The following SF3B3 variants were observed in gnomAD, a reference collection of about 807,000 sequenced individuals.
The protein encoded by SF3B3 is SAP 130.
SF3B3 carries 33 observed loss-of-function variants against 139.2 expected under a neutral mutation model. The ratio of observed to expected loss-of-function variants is 0.24; its 90% CI spans 0.18 to 0.32. The LOEUF (loss-of-function observed/expected upper bound fraction) is 0.32. SF3B3 is among the 10% of genes least tolerant of loss of function. SF3B3 has a pLI of 1.00. For missense variants in SF3B3, 818 were observed against 1,509.4 expected, an observed-to-expected ratio of 0.54 and a Z score of 7.59; for synonymous variants, 596 against 563.6, an observed-to-expected ratio of 1.06 and a Z score of -0.81.
chr16:70,537,795 G>C (rs74932974), intron 6 of SF3B3, among the ~76,000 whole-genome samples: 4,844 of 152,230 alleles, frequency 0.032, 289 homozygotes, highest in African/African-American at 0.11. Context: ...AAAACGCAAG[G>C]CAGGTGCAGT....
intron 17 of SF3B3, chr16:70,563,662 TGTG>T (rs2050449919): frequency 1.9e-6 from 1 of 514,148 alleles, no homozygotes; most frequent in South Asian, 3.0e-5. Flanking sequence ...TGCTGTGAAT[TGTG>T]GTAGGGTGTT....
rs2050552121 is a variant in SF3B3 at position 70,573,866 on chromosome 16, C to T, written c.*2053C>T. ...ACTGAAAAGTTTTTAGCTGCCTCAG[C>T]TTTCCCCTGACCTTACTGGCAGAGG... On this transcript the variant is annotated 3_prime_UTR_variant, in exon 26 of 26. Coordinates refer to ENST00000302516, the MANE Select transcript of SF3B3 (RefSeq NM_012426.5). The T allele has an allele frequency of 1.3e-5, 2 of 152,248 alleles. No individual in the cohort carries two copies. Among genetic ancestry groups the T allele is most frequent in the Non-Finnish European group, 2.9e-5 (2 of 68,054 alleles). 9.4% of individuals were successfully genotyped at this position (152,248 alleles called of 1,614,324 possible).
At position 70,554,603 on chromosome 16, in the gene SF3B3, G is replaced by A. The variant is rs528727199; in HGVS notation, c.1554+6G>A. 6 of 1,614,026 alleles carry A rather than the reference G, an allele frequency of 3.7e-6. No individual in the cohort carries two copies. The highest frequency in any genetic ancestry group is 5.1e-6 in the Non-Finnish European group (6 of 1,179,966). On this transcript the variant is annotated splice_donor_region_variant and intron_variant, in intron 12 of 25. Coordinates refer to ENST00000302516, the MANE Select transcript of SF3B3 (RefSeq NM_012426.5). ...GAGATGATGCCTTGGTGCAGGTGAG[G>A]GTTCTCAGAGCTTACCTACTTGGCC...
At chr16:70,564,983 A>G in intron 18 of SF3B3, 82 bp from the exon 19 acceptor site, 1 of 1,266,954 alleles carries the variant, frequency 7.9e-7, no homozygotes. Flanking sequence ...AACCCCCTGG[A>G]GTGTTCTTGC....
chr16:70,555,971 A>G (rs567810493), intron 13 of SF3B3, among the ~76,000 whole-genome samples: 17 of 152,188 alleles, frequency 1.1e-4, no homozygotes, highest in South Asian at 4.1e-4. Flanking sequence ...GAAGATACTC[A>G]TTTTGCTTGC....
Position 70,529,216 on chromosome 16 carries a change from A to G in SF3B3, c.397+17A>G, listed in dbSNP as rs781248378. 5.6e-6 allele frequency: 9 copies of G among 1,598,724 alleles called. No individual in the cohort carries two copies. The Admixed American group carries it at 1.3e-4, about 24-fold the overall frequency. Reference sequence around the variant, plus strand: ...TTATGATTAGTAAGTGATTTACTCTACTTGCTGTATATGCCTAGTTTAGGA... The same window carrying G: ...TTATGATTAGTAAGTGATTTACTCTGCTTGCTGTATATGCCTAGTTTAGGA... On this transcript the variant is annotated intron_variant, in intron 3 of 25. Coordinates refer to ENST00000302516, the MANE Select transcript of SF3B3 (RefSeq NM_012426.5).
intron 1 of SF3B3, among the ~76,000 whole-genome samples, chr16:70,524,392 C>T (rs763275271): frequency 6.6e-6 from 1 of 152,124 alleles, no homozygotes; most frequent in Admixed American, 6.5e-5. Context: ...TTCTCGTTTG[C>T]GTAATGGAGG....
chr16:70,560,687 G>C, intron 16 of SF3B3, 96 bp downstream of exon 16: 1 of 1,400,964 alleles, frequency 7.1e-7, no homozygotes, highest in Non-Finnish European at 9.9e-7. Flanking sequence ...TCACTAATTT[G>C]CCACTCCATC....
Position 70,571,134 on chromosome 16 carries a change from T to C in SF3B3, c.3448T>C (p.Ser1150Pro), listed in dbSNP as rs770940050. 6.2e-7 allele frequency: 1 copy of C among 1,614,126 alleles called. No homozygotes were observed. Among genetic ancestry groups the C allele is most frequent in the Middle Eastern group, 1.6e-4 (1 of 6,062 alleles). ...FFQHVEMHLR[S>P]EHPPLCGRDH... ...CCAGCATGTGGAAATGCACCTGCGG[T>C]CTGAACATCCCCCTCTCTGTGGGCG... is the stretch of plus-strand genomic sequence containing the variant. The change falls in exon 25 of 26, where the codon TCT becomes CCT. Residue 1150 changes from serine (S) to proline (P), a missense_variant. This residue lies in a region of SF3B3 where 44 missense variants were observed against 40.4 expected (regional missense o/e 1.09). Coordinates refer to ENST00000302516, the MANE Select transcript of SF3B3 (RefSeq NM_012426.5).
At chr16:70,559,638 G>T (rs1597720779) in intron 15 of SF3B3, among the ~76,000 whole-genome samples, 1 of 152,134 alleles carries the variant, frequency 6.6e-6, no homozygotes, top group East Asian at 1.9e-4. Flanking sequence ...AGTGAGCCAA[G>T]ATTGTGGCAC....
At chr16:70,541,533 C>T in intron 8 of SF3B3, 136 bp from the exon 9 acceptor site, 1 of 665,742 alleles carries the variant, frequency 1.5e-6, no homozygotes, top group Admixed American at 2.6e-5. Flanking sequence ...AGCTGTCGTA[C>T]TTAGTGATAA....
chr16:70,565,771 A>T (rs2050469889), intron 20 of SF3B3: 2 of 431,130 alleles, frequency 4.6e-6, no homozygotes, highest in Non-Finnish European at 8.4e-6. Context: ...TCTCTTTCTT[A>T]CTGTTTTAAT....
intron 5 of SF3B3, among the ~76,000 whole-genome samples, chr16:70,534,558 G>A (rs1447678402): frequency 1.3e-5 from 2 of 152,160 alleles, no homozygotes; most frequent in Non-Finnish European, 2.9e-5. Context: ...TGTCTGGTTT[G>A]GTCTGTTGAT....
At chr16:70,560,663 TGTA>T in intron 16 of SF3B3, 72 bp downstream of exon 16, 4 of 1,548,056 alleles carry the variant, frequency 2.6e-6, no homozygotes, top group Non-Finnish European at 3.5e-6. Context: ...CAATCTTTGC[TGTA>T]AGCTTCACTG....
intron 12 of SF3B3, 146 bp downstream of exon 12, chr16:70,554,743 T>G (rs1297159409): frequency 1.3e-6 from 1 of 789,410 alleles, no homozygotes; most frequent in East Asian, 2.7e-5. Flanking sequence ...GCACATAATA[T>G]CCCTCTCTGT....
Position 70,571,074 on chromosome 16 carries a change from A to AT in SF3B3, c.3409-15dup, listed in dbSNP as rs763944396. ...AGTTGAAATCACTTCTCAGTGACAG[A>AT]TTTTTTGTTTCTTCTGCCAGGACCA... On this transcript the variant is annotated intron_variant, in intron 24 of 25. Transcript: ENST00000302516. The AT allele has an allele frequency of 6.9e-6, 11 of 1,583,418 alleles. No homozygotes were observed. In the African/African-American group the frequency reaches 1.3e-4, roughly 19 times the overall value.
intron 10 of SF3B3, among the ~76,000 whole-genome samples, chr16:70,545,249 T>C (rs1359602091): frequency 1.3e-5 from 2 of 152,108 alleles, no homozygotes; most frequent in African/African-American, 4.8e-5. Flanking sequence ...GTACTTTTTG[T>C]AGAGACAGAG....
chr16:70,555,031 C>T lies in SF3B3; in HGVS notation c.1555-20C>T. The T allele has an allele frequency of 6.2e-7, 1 of 1,609,192 alleles. No individual in the cohort carries two copies. The highest frequency in any genetic ancestry group is 2.2e-5 in the East Asian group (1 of 44,764). Reference sequence around the variant, plus strand: ...GAATCAAATTGTTAAAGTCAGGTTTCTTTCTGTTACTGACTCTAGGTCTAT... The same window carrying T: ...GAATCAAATTGTTAAAGTCAGGTTTTTTTCTGTTACTGACTCTAGGTCTAT... On this transcript the variant is annotated intron_variant, in intron 12 of 25. Coordinates refer to ENST00000302516, the MANE Select transcript of SF3B3 (RefSeq NM_012426.5).
chr16:70,530,708 C>T (rs2050113499), intron 3 of SF3B3, 37 bp from the exon 4 acceptor site: 3 of 1,551,848 alleles, frequency 1.9e-6, no homozygotes, highest in African/African-American at 1.4e-5. Context: ...TTCTCATTAT[C>T]TGGGAATCTT....
Sources: allele counts gnomAD v4.1 joint callset (sites outside exome capture counted in the v4.1 genomes callset), GRCh38; gene constraint gnomAD v4.1.1; regional missense constraint gnomAD v4.1.1; transcripts MANE v1.5; gene names NCBI Gene and HGNC (gene_info 2026-07-23, HGNC 2026-07-21).